PRKN: variants seen among roughly 807,000 people sequenced by gnomAD.
The protein encoded by PRKN is parkin RBR E3 ubiquitin protein ligase.
A neutral mutation model predicts 59.5 loss-of-function variants in PRKN; 56 were observed. That is an observed-to-expected ratio of 0.94 (90% CI 0.76 to 1.18). The LOEUF (loss-of-function observed/expected upper bound fraction) is 1.18. Ranked by LOEUF, PRKN falls within the 50% of genes most tolerant of loss-of-function variation. The pLI is 0.00. For synonymous variants in PRKN, 250 were observed against 222.1 expected (o/e 1.13, Z -1.12); for missense variants, 657 against 596.4 (o/e 1.10, Z -1.06).
intron 1 of PRKN, among the ~76,000 whole-genome samples, chr6:162,723,120 C>T (rs150293729): frequency 0.011 from 1,651 of 152,174 alleles, 21 homozygotes; most frequent in African/African-American, 0.038. Flanking sequence ...GATGTGTAGC[C>T]AAATGGTGAA....
intron 1 of PRKN, among the ~76,000 whole-genome samples, chr6:162,519,119 G>T (rs913442203): frequency 6.6e-6 from 1 of 152,068 alleles, no homozygotes; most frequent in African/African-American, 2.4e-5. Context: ...GCAGTGAACC[G>T]AGATCGCACC....
At chr6:161,825,002 T>C (rs1186596710) in intron 6 of PRKN, among the ~76,000 whole-genome samples, 1 of 152,202 alleles carries the variant, frequency 6.6e-6, no homozygotes, top group South Asian at 2.1e-4. Context: ...TTACCTCAAA[T>C]TTGAAAACAA....
At position 161,973,437 on chromosome 6, in the gene PRKN, G is replaced by A. The variant is rs761944496; in HGVS notation, c.619-20C>T. 8.9e-6 allele frequency: 12 copies of A among 1,342,914 alleles called. No homozygotes were observed. In the South Asian group the frequency reaches 1.4e-4, roughly 16 times the overall value. The allele number at this position is 1,342,914 out of a possible 1,614,324, so 83.2% of individuals were successfully genotyped here. ...AAATTCCTGAAAGAAAGATAAATAT[G>A]ATCACACACATGGATCCCGGCTGCT... On this transcript the variant is annotated intron_variant, in intron 5 of 11. Coordinates refer to ENST00000366898, the MANE Select transcript of PRKN (RefSeq NM_004562.3).
chr6:162,646,268 A>C (rs975998373), intron 1 of PRKN, among the ~76,000 whole-genome samples: 1 of 75,584 alleles, frequency 1.3e-5, no homozygotes, highest in Non-Finnish European at 2.7e-5. Context: ...TTAAAATACA[A>C]AGTTTTTTTT....
intron 1 of PRKN, among the ~76,000 whole-genome samples, chr6:162,711,073 C>T (rs924645304): frequency 6.6e-6 from 1 of 152,206 alleles, no homozygotes; most frequent in African/African-American, 2.4e-5. Context: ...GGTTCACTGA[C>T]AGTTTGATGA....
chr6:162,442,281 C>G (rs983501932), intron 2 of PRKN, among the ~76,000 whole-genome samples: 1 of 152,174 alleles, frequency 6.6e-6, no homozygotes, highest in Non-Finnish European at 1.5e-5. Flanking sequence ...GTACTCTGAC[C>G]CAGGAGCCCC....
At chr6:161,436,938 G>T (rs548909325) in intron 9 of PRKN, among the ~76,000 whole-genome samples, 1 of 152,028 alleles carries the variant, frequency 6.6e-6, no homozygotes, top group Admixed American at 6.5e-5. Flanking sequence ...TTACAAGCTT[G>T]GTAGCAGTGC....
intron 1 of PRKN, among the ~76,000 whole-genome samples, chr6:162,515,152 G>A (rs571779969): frequency 2.9e-4 from 43 of 149,592 alleles, no homozygotes; most frequent in African/African-American, 9.1e-4. Context: ...GTGTAATCTC[G>A]GATCACTGCA....
chr6:162,215,984 G>C (rs1232206409), intron 3 of PRKN, among the ~76,000 whole-genome samples: 1 of 152,014 alleles, frequency 6.6e-6, no homozygotes, highest in African/African-American at 2.4e-5. Context: ...GGGAGGCAGA[G>C]GTAGCAGTGA....
intron 2 of PRKN, among the ~76,000 whole-genome samples, chr6:162,422,230 T>C (rs1000075451): frequency 1.3e-5 from 2 of 152,254 alleles, no homozygotes; most frequent in Non-Finnish European, 2.9e-5. Flanking sequence ...TGAAAGTATA[T>C]TTAGAAAGAA....
Position 161,386,642 on chromosome 6 carries a change from G to A in PRKN, c.1167+152C>T, listed in dbSNP as rs1268605900. 2.8e-6 allele frequency: 2 copies of A among 712,512 alleles called. No individual in the cohort carries two copies. Among genetic ancestry groups the A allele is most frequent in the African/African-American group, 1.7e-5 (1 of 57,302 alleles). The allele number at this position is 712,512 out of a possible 1,614,324, so 44.1% of individuals were successfully genotyped here. On this transcript the variant is annotated intron_variant, in intron 10 of 11. Transcript: ENST00000366898. This position sits in a 1 kb window ranked among gnomAD's most constrained non-coding sequence, Gnocchi z 4.3. ...GTGCCCCAAGGAGGGGAGTCATTCT[G>A]GGAGAAGCCACGGCCCCATTCCCAT...
At chr6:161,867,335 T>C (rs1403378379) in intron 6 of PRKN, among the ~76,000 whole-genome samples, 1 of 152,244 alleles carries the variant, frequency 6.6e-6, no homozygotes, top group Non-Finnish European at 1.5e-5. Flanking sequence ...ATTTTATTTA[T>C]AGGCACTGGA....
At chr6:162,062,693 C>T (rs925970983) in intron 4 of PRKN, among the ~76,000 whole-genome samples, 4 of 152,164 alleles carry the variant, frequency 2.6e-5, no homozygotes, top group African/African-American at 9.7e-5. Context: ...CGACTTCTAG[C>T]TGCCAGAAAT....
intron 7 of PRKN, among the ~76,000 whole-genome samples, chr6:161,686,849 T>C (rs1157000519): frequency 3.3e-5 from 5 of 152,206 alleles, no homozygotes; most frequent in Admixed American, 6.5e-5. Context: ...CGTGCCTCCA[T>C]GGCCCCACAC....
chr6:162,348,159 T>C lies in PRKN; in HGVS notation c.172-85394A>G, dbSNP rs150373037. 1.3e-4 allele frequency among the ~76,000 whole-genome samples: 20 copies of C among 152,310 alleles called. No individual in the cohort carries two copies. The East Asian group carries it at 3.5e-3, about 26-fold the overall frequency. ...CACGAGGGTAAGGAACAGTGCCTCT[T>C]ATACCCACCAGTGAAACTGAAAACC... On this transcript the variant is annotated intron_variant, in intron 2 of 11. Transcript: ENST00000366898.
chr6:162,254,109 C>T (rs1429581390), intron 3 of PRKN, among the ~76,000 whole-genome samples: 1 of 152,096 alleles, frequency 6.6e-6, no homozygotes, highest in African/African-American at 2.4e-5. Context: ...CTTCTTGCAG[C>T]TAAGGAAGGA....
At position 161,545,761 on chromosome 6, in the gene PRKN, C is replaced by T. The variant is rs1036324996; in HGVS notation, c.1083+3093G>A. ...TTTAGATTTTCTAGCAGTCAACTGT[C>T]AGAGGAAAACCTTATCAGCTGGTTT... On this transcript the variant is annotated intron_variant, in intron 9 of 11. Coordinates refer to ENST00000366898, the MANE Select transcript of PRKN (RefSeq NM_004562.3). This position sits in a 1 kb window ranked among gnomAD's most constrained non-coding sequence, Gnocchi z 4.1. Among the ~76,000 whole-genome samples, 1 of 152,182 alleles carries T rather than the reference C, an allele frequency of 6.6e-6. No homozygotes were observed. Among genetic ancestry groups the T allele is most frequent in the Non-Finnish European group, 1.5e-5 (1 of 68,034 alleles).
At chr6:162,498,900 T>A (rs1229591500) in intron 1 of PRKN, among the ~76,000 whole-genome samples, 1 of 152,162 alleles carries the variant, frequency 6.6e-6, no homozygotes, top group African/African-American at 2.4e-5. Flanking sequence ...CTGAAAATGA[T>A]CATTGTCTAG....
At position 161,618,721 on chromosome 6, in the gene PRKN, C is replaced by T. The variant is rs567173050; in HGVS notation, c.872-49305G>A. 1.1e-4 allele frequency among the ~76,000 whole-genome samples: 16 copies of T among 152,344 alleles called. No individual in the cohort carries two copies. The South Asian group carries it at 3.3e-3, about 32-fold the overall frequency. ...TACAGATGCAATTATCTCTCACACA[C>T]TCAAACTGCTTTCTTTCACAACATT... On this transcript the variant is annotated intron_variant, in intron 7 of 11. Transcript: ENST00000366898.
Sources: allele counts gnomAD v4.1 joint callset (sites outside exome capture counted in the v4.1 genomes callset), GRCh38; gene constraint gnomAD v4.1.1; non-coding constraint Gnocchi (gnomAD v3.1); transcripts MANE v1.5; gene names NCBI Gene and HGNC (gene_info 2026-07-23, HGNC 2026-07-21).